JPH2: variants seen among roughly 807,000 people sequenced by gnomAD.
JPH2 encodes the protein junctophilin 2, also known as junctophilin-2.
Under a neutral mutation model 55.9 loss-of-function variants are expected in JPH2, and 38 were observed. That is an observed-to-expected ratio of 0.68 (90% CI 0.52 to 0.89). The LOEUF is 0.89. JPH2 is among the 40% of genes least tolerant of loss of function. The pLI is 0.00. For missense variants in JPH2, 964 were observed against 1,037.6 expected (o/e 0.93, Z 0.97); for synonymous variants, 480 against 472.4 (o/e 1.02, Z -0.21).
In JPH2 at chr20:44,187,085, T is replaced by C; in HGVS notation, c.-380A>G. 9.8e-6 allele frequency: 2 copies of C among 203,878 alleles called. No homozygotes were observed. The highest frequency in any genetic ancestry group is 2.0e-5 in the Non-Finnish European group (2 of 101,314). The allele number at this position is 203,878 out of a possible 1,614,324, so 12.6% of individuals were successfully genotyped here. On this transcript the variant is annotated 5_prime_UTR_variant, in exon 1 of 6. Transcript: ENST00000372980. ...GGGTGGGGTGGAGGGGTCCCCAGCCTTTTCAAAGAGGGGAAATTCCCCTCG... is the reference window on the plus strand; with the variant it reads ...GGGTGGGGTGGAGGGGTCCCCAGCCCTTTCAAAGAGGGGAAATTCCCCTCG...
rs2072111245 is a variant in JPH2 at position 44,106,729 on chromosome 20, C to A, written c.*6789G>T. Among the ~76,000 whole-genome samples the A allele has an allele frequency of 6.6e-6, 1 of 152,094 alleles. No individual in the cohort carries two copies. Among genetic ancestry groups the A allele is most frequent in the African/African-American group, 2.4e-5 (1 of 41,398 alleles). On this transcript the variant is annotated 3_prime_UTR_variant, in exon 6 of 6. Coordinates refer to ENST00000372980, the MANE Select transcript of JPH2 (RefSeq NM_020433.5). The stretch of plus-strand genomic sequence containing the variant: ...AGAGAGGAACTTGTGCAGAGTAACT[C>A]CTCTTTTTAAAATCATCGATCTCAT...
At chr20:44,162,070 C>T (rs766388979) in intron 1 of JPH2, among the ~76,000 whole-genome samples, 2 of 152,210 alleles carry the variant, frequency 1.3e-5, no homozygotes, top group South Asian at 2.1e-4. Context: ...CTTTGTACCT[C>T]CACCATGTAG....
At chr20:44,140,166 T>C (rs1041087513) in intron 2 of JPH2, among the ~76,000 whole-genome samples, 1 of 152,168 alleles carries the variant, frequency 6.6e-6, no homozygotes, top group African/African-American at 2.4e-5. Context: ...CCACTGCGCC[T>C]GGCCGAGATT....
intron 1 of JPH2, among the ~76,000 whole-genome samples, chr20:44,183,973 A>T (rs558336953): frequency 2.0e-5 from 3 of 151,842 alleles, no homozygotes; most frequent in Non-Finnish European, 4.4e-5. Flanking sequence ...CCAACGTGGC[A>T]AAATCCCATT....
At position 44,159,493 on chromosome 20, in the gene JPH2, C is replaced by A; in HGVS notation, c.1169+125G>T. 1 of 999,894 alleles carries A rather than the reference C, an allele frequency of 1.0e-6. No individual in the cohort carries two copies. Among genetic ancestry groups the A allele is most frequent in the Non-Finnish European group, 1.5e-6 (1 of 672,620 alleles). 61.9% of individuals were successfully genotyped at this position (999,894 alleles called of 1,614,324 possible). A position where few individuals can be genotyped will look rare whatever the true frequency, so the allele number is the denominator to read the frequency against. On this transcript the variant is annotated intron_variant, in intron 2 of 5. Coordinates refer to ENST00000372980, the MANE Select transcript of JPH2 (RefSeq NM_020433.5). This position sits in a 1 kb window ranked among gnomAD's most constrained non-coding sequence, Gnocchi z 5.7. Reference sequence around the variant, plus strand: ...GCTCCCGAAGAGCCTCCAATTAACCCCTGAAGGTGATGGGGGTAAAAGAAG... The same window carrying A: ...GCTCCCGAAGAGCCTCCAATTAACCACTGAAGGTGATGGGGGTAAAAGAAG...
rs745528112 is a variant in JPH2, at chr20:44,186,363, G to C, written c.343C>G (p.Gln115Glu). 1.2e-6 allele frequency: 2 copies of C among 1,610,850 alleles called. No homozygotes were observed. The highest frequency in any genetic ancestry group is 1.7e-6 in the Non-Finnish European group (2 of 1,179,208). Residue 115 changes from glutamine to glutamate, a missense_variant, in exon 1 of 6, where the codon CAA becomes GAA. Coordinates refer to ENST00000372980, the MANE Select transcript of JPH2 (RefSeq NM_020433.5). ...KYEGTWNNGL[Q>E]DGYGTETYAD... ...TAGGTCTCGGTGCCATAGCCGTCTT[G>C]CAGGCCATTGTTCCAGGTGCCCTCA...
rs1304425572 is a variant in JPH2 at position 44,114,872 on chromosome 20, G to A, written c.2015C>T (p.Pro672Leu). Residue 672 changes from proline to leucine, a missense_variant, in exon 5 of 6, where the codon CCC (proline) becomes CTC (leucine). Coordinates refer to ENST00000372980, the MANE Select transcript of JPH2 (RefSeq NM_020433.5). ...CACCATGCAGATGAGGATGGTGTTG[G>A]GGACCTGGGAGCAGTGGAGAGAGGC... Reference protein sequence around the residue: ...AEAEVEVEEVPNTILICMVIL... With the variant: ...AEAEVEVEEVLNTILICMVIL... 2 of 1,600,822 alleles carry A rather than the reference G, an allele frequency of 1.2e-6. No individual in the cohort carries two copies. The highest frequency in any genetic ancestry group is 1.1e-5 in the South Asian group (1 of 87,954).
intron 2 of JPH2, among the ~76,000 whole-genome samples, chr20:44,123,463 T>C (rs976522253): frequency 1.3e-5 from 2 of 152,196 alleles, no homozygotes; most frequent in Non-Finnish European, 2.9e-5. Flanking sequence ...ACCCGTGGCC[T>C]CACCCCTTGC....
rs150235066 is a variant in JPH2, at chr20:44,143,372, C to G, written c.1169+16246G>C. Among the ~76,000 whole-genome samples, 603 of 152,288 alleles carry G rather than the reference C, an allele frequency of 4.0e-3. 14 individuals carry two copies. The highest frequency in any genetic ancestry group is 0.031 in the East Asian group (161 of 5,176). Reference sequence around the variant, plus strand: ...AAGCTCCATGTAAGGTCAGACTCACCCAGCACTGTCAGGGTCCCACGCAAG... The same window carrying G: ...AAGCTCCATGTAAGGTCAGACTCACGCAGCACTGTCAGGGTCCCACGCAAG... On this transcript the variant is annotated intron_variant, in intron 2 of 5. Transcript: ENST00000372980.
At chr20:44,145,280 G>C (rs918005560) in intron 2 of JPH2, among the ~76,000 whole-genome samples, 3 of 152,158 alleles carry the variant, frequency 2.0e-5, no homozygotes, top group African/African-American at 7.2e-5. Context: ...CTGCTGGCCT[G>C]TATGTTCTCT....
Position 44,177,541 on chromosome 20 carries a change from T to C in JPH2, c.379+8786A>G, listed in dbSNP as rs2072744645. Reference sequence around the variant, plus strand: ...CTGCTAAGGGTCTGCTGTGCTCTCCTGGGGTCTCCATAGAATGCCCAGAAG... The same window carrying C: ...CTGCTAAGGGTCTGCTGTGCTCTCCCGGGGTCTCCATAGAATGCCCAGAAG... On this transcript the variant is annotated intron_variant, in intron 1 of 5. Transcript: ENST00000372980. 2.6e-6 allele frequency: 3 copies of C among 1,133,146 alleles called. No individual in the cohort carries two copies. In the East Asian group the frequency reaches 2.0e-4, roughly 74 times the overall value. The allele number at this position is 1,133,146 out of a possible 1,614,324, so 70.2% of individuals were successfully genotyped here.
chr20:44,139,690 G>A (rs774690392), intron 2 of JPH2, among the ~76,000 whole-genome samples: 1 of 152,118 alleles, frequency 6.6e-6, no homozygotes, highest in Non-Finnish European at 1.5e-5. Context: ...CATTTTATAG[G>A]CCAAACCTGG....
chr20:44,124,711 C>T (rs895178187), intron 2 of JPH2, among the ~76,000 whole-genome samples: 10 of 151,854 alleles, frequency 6.6e-5, no homozygotes, highest in African/African-American at 2.2e-4. Flanking sequence ...AGGTTACATT[C>T]CAGGGCACGG....
At chr20:44,148,086 C>T (rs914586458) in intron 2 of JPH2, among the ~76,000 whole-genome samples, 12 of 152,022 alleles carry the variant, frequency 7.9e-5, no homozygotes, top group African/African-American at 2.7e-4. Context: ...TTGCTTGGGC[C>T]CGGGAGGCAG....
intron 3 of JPH2, 105 bp downstream of exon 3, chr20:44,118,399 CG>C: frequency 2.2e-6 from 2 of 889,210 alleles, no homozygotes; most frequent in Non-Finnish European, 3.7e-6. Flanking sequence ...CTGAGACTCA[CG>C]GGCATCCAGG....
At position 44,109,900 on chromosome 20, in the gene JPH2, G is replaced by T. The variant is rs1348325233; in HGVS notation, c.*3618C>A. 6.6e-6 allele frequency among the ~76,000 whole-genome samples: 1 copy of T among 152,058 alleles called. No individual in the cohort carries two copies. On this transcript the variant is annotated 3_prime_UTR_variant, in exon 6 of 6. Coordinates refer to ENST00000372980, the MANE Select transcript of JPH2 (RefSeq NM_020433.5). The stretch of plus-strand genomic sequence containing the variant: ...GTTCCTAGGTCCCCTCCCTTTCACT[G>T]CCCTGGAAGAGTCCTGCAGAGACCT...
At chr20:44,121,630 A>G (rs979108568) in intron 2 of JPH2, among the ~76,000 whole-genome samples, 1 of 151,972 alleles carries the variant, frequency 6.6e-6, no homozygotes, top group African/African-American at 2.4e-5. Context: ...CAATAACTCT[A>G]CAGGGTAGAT....
chr20:44,109,959 T>G lies in JPH2; in HGVS notation c.*3559A>C, dbSNP rs1357927776. Among the ~76,000 whole-genome samples, 4 of 152,180 alleles carry G rather than the reference T, an allele frequency of 2.6e-5. No individual in the cohort carries two copies. Among genetic ancestry groups the G allele is most frequent in the African/African-American group, 9.7e-5 (4 of 41,450 alleles). On this transcript the variant is annotated 3_prime_UTR_variant, in exon 6 of 6. Coordinates refer to ENST00000372980, the MANE Select transcript of JPH2 (RefSeq NM_020433.5). Reference sequence around the variant, plus strand: ...TGGGCCAGCATTGCTTTTAAGTTCATGCATGGTACAAACCACCTTAAATGC... The same window carrying G: ...TGGGCCAGCATTGCTTTTAAGTTCAGGCATGGTACAAACCACCTTAAATGC...
chr20:44,184,526 G>C (rs866011990), intron 1 of JPH2, among the ~76,000 whole-genome samples: 3 of 152,148 alleles, frequency 2.0e-5, no homozygotes, highest in Non-Finnish European at 4.4e-5. Context: ...TGGATCAATG[G>C]TGCTGATGCT....
Sources: gnomAD v4.1 joint callset for allele counts (sites outside exome capture counted in the v4.1 genomes callset) on GRCh38, gnomAD v4.1.1 for gene constraint, Gnocchi (gnomAD v3.1) non-coding constraint, MANE v1.5 for transcripts, NCBI Gene and HGNC (gene_info 2026-07-23, HGNC 2026-07-21) for gene names.